Variants in CTNNA1 observed in about 807,000 individuals in gnomAD.
The protein encoded by CTNNA1 is catenin alpha-1.
CTNNA1 carries 37 observed loss-of-function variants against 98.4 expected under a neutral mutation model. The observed-to-expected ratio is 0.38, with a 90% CI of 0.29 to 0.49. The LOEUF is 0.49. CTNNA1 is among the 20% of genes least tolerant of loss of function. The probability of loss-of-function intolerance (pLI) is 0.95; values close to 1 mark genes in which losing one functional copy is unlikely to be tolerated. For synonymous variants in CTNNA1, 404 were observed against 413.2 expected (o/e 0.98, Z 0.27); for missense variants, 761 against 1,147.2 (o/e 0.66, Z 4.86).
At chr5:138,753,631 G>T (rs1002350500) in intron 1 of CTNNA1, 121 bp downstream of exon 1, 3 of 351,924 alleles carry the variant, frequency 8.5e-6, no homozygotes, top group African/African-American at 6.4e-5. Context: ...GCGGGGCGCG[G>T]TTTCTTTGGC....
chr5:138,839,634 T>C (rs1762104064), intron 7 of CTNNA1, among the ~76,000 whole-genome samples: 1 of 152,246 alleles, frequency 6.6e-6, no homozygotes, highest in East Asian at 1.9e-4. Context: ...GATAAGAGTG[T>C]TGCAGTCTCC....
At chr5:138,848,387 C>T (rs1397501879) in intron 7 of CTNNA1, among the ~76,000 whole-genome samples, 1 of 152,158 alleles carries the variant, frequency 6.6e-6, no homozygotes, top group African/African-American at 2.4e-5. Flanking sequence ...CACTTTAAGT[C>T]CTCTTTTTTT....
At chr5:138,890,802 C>T (rs373539699) in intron 9 of CTNNA1, among the ~76,000 whole-genome samples, 2 of 152,204 alleles carry the variant, frequency 1.3e-5, no homozygotes, top group East Asian at 3.8e-4. Flanking sequence ...ATCTCCTTAG[C>T]ATAAACTATC....
chr5:138,907,359 T>C (rs1198560136), intron 10 of CTNNA1, among the ~76,000 whole-genome samples: 1 of 152,238 alleles, frequency 6.6e-6, no homozygotes, highest in Admixed American at 6.5e-5. Context: ...AATTCAGATT[T>C]TTCTGTCATG....
chr5:138,807,008 C>CTTTTT (rs1321047490), intron 3 of CTNNA1, among the ~76,000 whole-genome samples: 15 of 111,490 alleles, frequency 1.3e-4, no homozygotes, highest in South Asian at 3.1e-4. Context: ...AGATGTTGGA[C>CTTTTT]TTTTTTTTTT....
chr5:138,930,453 C>CT lies in CTNNA1; in HGVS notation c.2011-17dup, dbSNP rs746944111. On this transcript the variant is annotated intron_variant, in intron 14 of 17. Coordinates refer to ENST00000302763, the MANE Select transcript of CTNNA1 (RefSeq NM_001903.5). The stretch of plus-strand genomic sequence containing the variant: ...TTCATATTCTTTTTATGTAAGAGCT[C>CT]TTTGTGCTTCTGATCACAGGCGATC... 76 of 1,588,364 alleles carry CT rather than the reference C, an allele frequency of 4.8e-5. No individual in the cohort carries two copies. The East Asian group carries it at 1.7e-3, about 35-fold the overall frequency.
chr5:138,867,934 T>G lies in CTNNA1; in HGVS notation c.1063-18278T>G, dbSNP rs949364581. On this transcript the variant is annotated intron_variant, in intron 7 of 17. Coordinates refer to ENST00000302763, the MANE Select transcript of CTNNA1 (RefSeq NM_001903.5). ...GCCTGGCTAATTTTTGTGTTTTTAGTAGAGACAGGGTTTCGCCTTATTGGC... is the reference window on the plus strand; with the variant it reads ...GCCTGGCTAATTTTTGTGTTTTTAGGAGAGACAGGGTTTCGCCTTATTGGC... Among the ~76,000 whole-genome samples the G allele has an allele frequency of 2.6e-5, 4 of 152,174 alleles. No individual in the cohort carries two copies. In the South Asian group the frequency reaches 8.3e-4, roughly 32 times the overall value.
chr5:138,817,239 G>A (rs1032038424), intron 5 of CTNNA1, among the ~76,000 whole-genome samples: 5 of 152,168 alleles, frequency 3.3e-5, no homozygotes, highest in Middle Eastern at 3.4e-3. Flanking sequence ...GGCCTGTAGC[G>A]TTTCTGCATA....
chr5:138,818,044 G>T (rs185719423), intron 5 of CTNNA1, among the ~76,000 whole-genome samples: 1 of 152,046 alleles, frequency 6.6e-6, no homozygotes, highest in Non-Finnish European at 1.5e-5. Flanking sequence ...CCAAGTAGCT[G>T]GGATTACTGG....
rs149095225 is a variant in CTNNA1 at position 138,824,694 on chromosome 5, G to T, written c.753G>T (p.Ala251=). 2.5e-6 allele frequency: 4 copies of T among 1,614,056 alleles called. No homozygotes were observed. Among genetic ancestry groups the T allele is most frequent in the African/African-American group, 2.7e-5 (2 of 74,930 alleles). ...RDLIYKQLQQ[A]VTGISNAAQA... is the part of the protein sequence containing the mutation. The stretch of plus-strand genomic sequence containing the variant: ...TGATATACAAGCAGCTGCAGCAGGC[G>T]GTCACAGGCATTTCCAATGCAGCCC... The change falls in exon 6 of 18, where the codon GCG becomes GCT. Residue 251 remains alanine (A), a synonymous_variant. Transcript: ENST00000302763.
At chr5:138,776,937 C>T (rs1299568828) in intron 1 of CTNNA1, among the ~76,000 whole-genome samples, 24 of 137,330 alleles carry the variant, frequency 1.7e-4, no homozygotes, top group Middle Eastern at 7.8e-3. Flanking sequence ...GGGCGGCTGG[C>T]CGGGCGGGGG....
rs185951703 is a variant in CTNNA1, at chr5:138,758,960, C to T, written c.-3+5450C>T. 4.4e-3 allele frequency among the ~76,000 whole-genome samples: 672 copies of T among 152,188 alleles called. 10 individuals are homozygous for T. The highest frequency in any genetic ancestry group is 0.01 in the African/African-American group (433 of 41,520). ...CTGGGATTACAGGCATGCGCCACCACACCTGGCTAATTTTGTATTTTAAGT... is the reference window on the plus strand; with the variant it reads ...CTGGGATTACAGGCATGCGCCACCATACCTGGCTAATTTTGTATTTTAAGT... On this transcript the variant is annotated intron_variant, in intron 1 of 17. Coordinates refer to ENST00000302763, the MANE Select transcript of CTNNA1 (RefSeq NM_001903.5).
intron 2 of CTNNA1, among the ~76,000 whole-genome samples, chr5:138,782,567 T>G (rs1755238716): frequency 6.6e-6 from 1 of 152,190 alleles, no homozygotes; most frequent in Non-Finnish European, 1.5e-5. Flanking sequence ...ATGAGTCTTG[T>G]TTGGCAAATT....
At chr5:138,799,890 A>ATGTATGTATGTG (rs1320107213) in intron 3 of CTNNA1, among the ~76,000 whole-genome samples, 126 of 138,774 alleles carry the variant, frequency 9.1e-4, no homozygotes, top group East Asian at 1.6e-3. Context: ...GTATGTATGT[A>ATGTATGTATGTG]TGTGTGTGTG....
At chr5:138,810,600 G>A (rs925189144) in intron 4 of CTNNA1, among the ~76,000 whole-genome samples, 2 of 152,104 alleles carry the variant, frequency 1.3e-5, no homozygotes, top group Admixed American at 1.3e-4. Flanking sequence ...GAGAGCACAG[G>A]GTTGGGGGTA....
At chr5:138,836,470 T>C (rs192362919) in intron 7 of CTNNA1, among the ~76,000 whole-genome samples, 4 of 152,380 alleles carry the variant, frequency 2.6e-5, no homozygotes, top group East Asian at 3.9e-4. Context: ...ACCCCAGTTA[T>C]ATTTGTGTTG....
At chr5:138,756,149 C>G (rs924838871) in intron 1 of CTNNA1, among the ~76,000 whole-genome samples, 1 of 151,912 alleles carries the variant, frequency 6.6e-6, no homozygotes, top group Non-Finnish European at 1.5e-5. Context: ...AGCAACTCTC[C>G]TGCCTCAACC....
intron 7 of CTNNA1, among the ~76,000 whole-genome samples, chr5:138,867,612 A>G (rs1764908761): frequency 6.6e-6 from 1 of 152,182 alleles, no homozygotes; most frequent in South Asian, 2.1e-4. Context: ...ACCCTGAGAC[A>G]GTAAGACTGA....
intron 7 of CTNNA1, among the ~76,000 whole-genome samples, chr5:138,854,408 G>C (rs1347213033): frequency 6.6e-6 from 1 of 152,066 alleles, no homozygotes; most frequent in East Asian, 1.9e-4. Context: ...CTTGATCTGG[G>C]GCCATTTGCC....
Sources: allele counts gnomAD v4.1 joint callset (sites outside exome capture counted in the v4.1 genomes callset), GRCh38; gene constraint gnomAD v4.1.1; transcripts MANE v1.5; gene names NCBI Gene and HGNC (gene_info 2026-07-23, HGNC 2026-07-21).